The following COL11A1 variants were observed in gnomAD, a reference collection of about 807,000 sequenced individuals.
COL11A1 encodes collagen type XI alpha 1 chain, also known as collagen alpha-1(XI) chain.
Under a neutral mutation model 265.2 loss-of-function variants are expected in COL11A1, and 74 were observed. The ratio of observed to expected loss-of-function variants is 0.28; its 90% CI spans 0.23 to 0.34. COL11A1 has a LOEUF of 0.34. Among genes scored for constraint, COL11A1 ranks in the 10% least tolerant of loss-of-function variants. COL11A1 has a pLI of 1.00. For synonymous variants in COL11A1, 816 were observed against 727.6 expected, an observed-to-expected ratio of 1.12 and a Z score of -1.96; for missense variants, 2,165 against 2,263.6, an observed-to-expected ratio of 0.96 and a Z score of 0.88.
At chr1:102,919,464 T>C (rs1402498669) in intron 49 of COL11A1, among the ~76,000 whole-genome samples, 1 of 151,806 alleles carries the variant, frequency 6.6e-6, no homozygotes, top group Non-Finnish European at 1.5e-5. Flanking sequence ...TTTTTAAGAA[T>C]AGAGTAAGTC....
At chr1:103,070,428 A>G (rs566223763) in intron 4 of COL11A1, among the ~76,000 whole-genome samples, 22 of 151,466 alleles carry the variant, frequency 1.5e-4, no homozygotes, top group East Asian at 5.8e-4. Flanking sequence ...ATAACAAGGG[A>G]AAAAAAACGA....
chr1:103,085,737 G>A (rs1672800631), intron 1 of COL11A1, among the ~76,000 whole-genome samples: 2 of 152,054 alleles, frequency 1.3e-5, no homozygotes, highest in South Asian at 4.1e-4. Flanking sequence ...TTTTGCACTA[G>A]TCCTGCTTGC....
chr1:102,883,294 G>A lies in COL11A1; in HGVS notation c.4876C>T (p.Pro1626Ser), dbSNP rs377036654. Residue 1626 changes from proline (P) to serine (S), a missense_variant, in exon 64 of 67, where the codon CCT becomes TCT. By Grantham distance (74) the Pro-to-Ser change is moderately conservative. Transcript: ENST00000370096. ...DFPDGEYWID[P>S]NQGCSGDSFK... The stretch of plus-strand genomic sequence containing the variant: ...GAATCTCCTGAGCAACCTTGGTTAG[G>A]ATCAATCCAATATTCACCTAGAAGG... 2.3e-5 allele frequency: 37 copies of A among 1,612,192 alleles called. No individual in the cohort carries two copies. The highest frequency in any genetic ancestry group is 2.9e-5 in the Non-Finnish European group (34 of 1,178,688).
chr1:103,058,588 C>T (rs1479895949), intron 4 of COL11A1, among the ~76,000 whole-genome samples: 5 of 152,228 alleles, frequency 3.3e-5, no homozygotes, highest in Admixed American at 6.5e-5. Context: ...AACACTTGAA[C>T]CTGTGACTCT....
intron 1 of COL11A1, among the ~76,000 whole-genome samples, chr1:103,099,056 C>G (rs1421141650): frequency 6.6e-6 from 1 of 151,920 alleles, no homozygotes; most frequent in South Asian, 2.1e-4. Flanking sequence ...ACAACGCCCT[C>G]ACTTCATTCA....
At chr1:102,955,187 T>C (rs1660253633) in intron 41 of COL11A1, among the ~76,000 whole-genome samples, 1 of 151,994 alleles carries the variant, frequency 6.6e-6, no homozygotes, top group Non-Finnish European at 1.5e-5. Context: ...TTTTAAACCT[T>C]GGTTATTCCC....
intron 41 of COL11A1, among the ~76,000 whole-genome samples, chr1:102,952,981 A>G (rs1046007333): frequency 2.0e-5 from 3 of 152,214 alleles, no homozygotes; most frequent in Non-Finnish European, 4.4e-5. Flanking sequence ...ATGAGAATCT[A>G]TTCTCTTGGG....
At chr1:102,953,796 A>G (rs2101494655) in intron 41 of COL11A1, among the ~76,000 whole-genome samples, 1 of 152,322 alleles carries the variant, frequency 6.6e-6, no homozygotes, top group South Asian at 2.1e-4. Flanking sequence ...TTTTTCCACC[A>G]TTAATATGGC....
At chr1:102,924,909 C>A (rs953493318) in intron 46 of COL11A1, among the ~76,000 whole-genome samples, 2 of 151,826 alleles carry the variant, frequency 1.3e-5, no homozygotes, top group Non-Finnish European at 2.9e-5. Flanking sequence ...AGACAAATAG[C>A]AAACATAGTA....
At chr1:102,960,904 A>G (rs1333215908) in intron 41 of COL11A1, among the ~76,000 whole-genome samples, 2 of 152,182 alleles carry the variant, frequency 1.3e-5, no homozygotes, top group African/African-American at 4.8e-5. Flanking sequence ...TCTATAGGTG[A>G]AACTGACTGA....
In COL11A1 at chr1:103,075,737, G is replaced by A. The variant is rs537921356; in HGVS notation, c.489-957C>T. 2.6e-5 allele frequency among the ~76,000 whole-genome samples: 4 copies of A among 152,078 alleles called. No homozygotes were observed. The South Asian group carries it at 8.3e-4, about 32-fold the overall frequency. On this transcript the variant is annotated intron_variant, in intron 3 of 66. Transcript: ENST00000370096. ...AGATTAATATTCCAGAAGTGTCTAG[G>A]ACTAGATCCATAAAATAAAATACCC...
intron 1 of COL11A1, among the ~76,000 whole-genome samples, chr1:103,099,393 G>A (rs987545022): frequency 1.3e-5 from 2 of 150,572 alleles, no homozygotes; most frequent in Non-Finnish European, 3.0e-5. Context: ...TGAGTTTATT[G>A]AAATAAACAT....
intron 1 of COL11A1, among the ~76,000 whole-genome samples, chr1:103,092,469 A>G (rs1673401262): frequency 6.6e-6 from 1 of 152,172 alleles, no homozygotes. Flanking sequence ...ATGCACACAA[A>G]CACAGATCAT....
chr1:103,104,364 G>C (rs1207948871), intron 1 of COL11A1, among the ~76,000 whole-genome samples: 3 of 151,996 alleles, frequency 2.0e-5, no homozygotes, highest in Admixed American at 6.6e-5. Context: ...TGTTTGCTTT[G>C]CTGTATTTTA....
At chr1:102,914,435 T>C (rs760049241) in intron 51 of COL11A1, 30 bp from the exon 52 acceptor site, 1 of 1,569,614 alleles carries the variant, frequency 6.4e-7, no homozygotes, top group Non-Finnish European at 8.7e-7. Context: ...GAAAAAGAAA[T>C]AAATGAAAAA....
intron 41 of COL11A1, among the ~76,000 whole-genome samples, chr1:102,956,461 A>G (rs1043521010): frequency 7.2e-5 from 11 of 152,186 alleles, no homozygotes; most frequent in African/African-American, 2.2e-4. Flanking sequence ...TTTCACAGAA[A>G]AAGACTTATA....
intron 54 of COL11A1, among the ~76,000 whole-genome samples, chr1:102,906,674 A>G (rs1170493955): frequency 6.6e-6 from 1 of 152,126 alleles, no homozygotes; most frequent in Non-Finnish European, 1.5e-5. Flanking sequence ...TGCTGGGATT[A>G]CAGGTGTCAG....
intron 4 of COL11A1, among the ~76,000 whole-genome samples, chr1:103,042,878 C>A (rs1022846649): frequency 2.7e-5 from 4 of 150,852 alleles, no homozygotes; most frequent in Non-Finnish European, 5.9e-5. Flanking sequence ...GTTGGGGAAA[C>A]ACCATCTACT....
At chr1:103,062,457 G>C (rs1234385258) in intron 4 of COL11A1, among the ~76,000 whole-genome samples, 1 of 151,762 alleles carries the variant, frequency 6.6e-6, no homozygotes, top group East Asian at 1.9e-4. Flanking sequence ...GAATCCCAAG[G>C]TATATAAAAT....
Sources: gnomAD v4.1 joint callset for allele counts (sites outside exome capture counted in the v4.1 genomes callset) on GRCh38, gnomAD v4.1.1 for gene constraint, MANE v1.5 for transcripts, NCBI Gene and HGNC (gene_info 2026-07-23, HGNC 2026-07-21) for gene names.